TBC1D31: variants seen among roughly 807,000 people sequenced by gnomAD.
TBC1D31 encodes WD repeat domain 67.
A neutral mutation model predicts 132.9 loss-of-function variants in TBC1D31; 99 were observed. That is an observed-to-expected ratio of 0.74 (90% confidence interval 0.63 to 0.88). The LOEUF is 0.88. Ranked by LOEUF, TBC1D31 falls within the 40% of genes least tolerant of loss-of-function variation. The pLI, the probability that TBC1D31 is intolerant of heterozygous loss-of-function variation, is 0.00. For missense variants in TBC1D31, 1,134 were observed against 1,256.6 expected (o/e 0.90, Z 1.48); for synonymous variants, 385 against 419.4 (o/e 0.92, Z 1.00).
At position 123,077,124 on chromosome 8, in the gene TBC1D31, A is replaced by C; in HGVS notation, c.91A>C (p.Ile31Leu). 6.2e-7 allele frequency: 1 copy of C among 1,606,464 alleles called. No individual in the cohort carries two copies. The highest frequency in any genetic ancestry group is 8.5e-7 in the Non-Finnish European group (1 of 1,177,586). ...PATRDGIIVN[I>L]IHNTSDYHPK... is the part of the protein sequence containing the mutation. ...TTTCTTTGACAGAATTATAGTGAACATTATTCACAACACTTCCGATTACCA... is the reference window on the plus strand; with the variant it reads ...TTTCTTTGACAGAATTATAGTGAACCTTATTCACAACACTTCCGATTACCA... Residue 31 changes from isoleucine (I) to leucine (L), a missense_variant, in exon 2 of 22, where the codon ATT becomes CTT. Ile to Leu is a conservative substitution (Grantham distance 5). Coordinates refer to ENST00000287380, the MANE Select transcript of TBC1D31 (RefSeq NM_145647.4).
chr8:123,119,662 A>G (rs1483185817), intron 10 of TBC1D31, among the ~76,000 whole-genome samples: 2 of 152,180 alleles, frequency 1.3e-5, no homozygotes, highest in African/African-American at 4.8e-5. Context: ...GCAGTGAGCC[A>G]TGATTATGCC....
chr8:123,141,953 TG>T (rs1336892502), intron 18 of TBC1D31, among the ~76,000 whole-genome samples: 1 of 138,962 alleles, frequency 7.2e-6, no homozygotes, highest in Non-Finnish European at 1.5e-5. Flanking sequence ...CTCCACCTCC[TG>T]GGTTCAAGCA....
intron 2 of TBC1D31, among the ~76,000 whole-genome samples, chr8:123,079,003 G>A (rs928735336): frequency 6.6e-6 from 1 of 152,082 alleles, no homozygotes; most frequent in Non-Finnish European, 1.5e-5. Flanking sequence ...AAAAGAACAC[G>A]GCATCATTTC....
At chr8:123,080,040 G>A (rs1814972372) in intron 2 of TBC1D31, among the ~76,000 whole-genome samples, 1 of 152,152 alleles carries the variant, frequency 6.6e-6, no homozygotes, top group South Asian at 2.1e-4. Flanking sequence ...ATTCTCAACT[G>A]GACCCTTGTA....
the TBC1D31 span, among the ~76,000 whole-genome samples, chr8:123,162,344 G>A: frequency 1.9e-4 from 29 of 152,060 alleles, no homozygotes; most frequent in African/African-American, 6.5e-4. Context: ...TCTGGGAGGC[G>A]GGCTCCTGGC....
chr8:123,095,551 T>C (rs1338272601), intron 5 of TBC1D31, among the ~76,000 whole-genome samples: 3 of 152,246 alleles, frequency 2.0e-5, no homozygotes, highest in Non-Finnish European at 2.9e-5. Context: ...TGAATCTTTG[T>C]AAACTCATAG....
chr8:123,160,101 T>C, the TBC1D31 span, among the ~76,000 whole-genome samples: 1 of 152,160 alleles, frequency 6.6e-6, no homozygotes, highest in Non-Finnish European at 1.5e-5. Flanking sequence ...GTTTTTCTGC[T>C]CCAGGACCTC....
intron 17 of TBC1D31, among the ~76,000 whole-genome samples, chr8:123,137,867 G>A (rs993025602): frequency 6.6e-6 from 1 of 152,220 alleles, no homozygotes; most frequent in Non-Finnish European, 1.5e-5. Context: ...TCTTTAGAAT[G>A]TGCAGGTTTT....
In TBC1D31 at chr8:123,151,960, G is replaced by A. The variant is rs377382269; in HGVS notation, c.*21G>A. On this transcript the variant is annotated 3_prime_UTR_variant, in exon 22 of 22. Coordinates refer to ENST00000287380, the MANE Select transcript of TBC1D31 (RefSeq NM_145647.4). ...CATAGAATGCATGTCACCTTGAGACGGTCGAGAGAGAGACCTATTTTGCAA... is the reference window on the plus strand; with the variant it reads ...CATAGAATGCATGTCACCTTGAGACAGTCGAGAGAGAGACCTATTTTGCAA... 6 of 1,458,706 alleles carry A rather than the reference G, an allele frequency of 4.1e-6. No individual in the cohort carries two copies. Among genetic ancestry groups the A allele is most frequent in the South Asian group, 3.2e-5 (2 of 63,400 alleles). The allele number at this position is 1,458,706 out of a possible 1,614,324, so 90.4% of individuals were successfully genotyped here.
rs528273766 is a variant in TBC1D31, at chr8:123,150,817, A to T, written c.3067+689A>T. ...ATTTATTTTTAAAAGGGAGGAGGAGAAAAGACACTCTGTTAAACTTACTTT... is the reference window on the plus strand; with the variant it reads ...ATTTATTTTTAAAAGGGAGGAGGAGTAAAGACACTCTGTTAAACTTACTTT... On this transcript the variant is annotated intron_variant, in intron 21 of 21. Transcript: ENST00000287380. Among the ~76,000 whole-genome samples, 12 of 152,380 alleles carry T rather than the reference A, an allele frequency of 7.9e-5. No individual in the cohort carries two copies. In the South Asian group the frequency reaches 2.5e-3, roughly 32 times the overall value.
chr8:123,139,056 C>T (rs1017871334), intron 17 of TBC1D31, among the ~76,000 whole-genome samples: 1 of 151,750 alleles, frequency 6.6e-6, no homozygotes, highest in Non-Finnish European at 1.5e-5. Context: ...AGTCCTCCCA[C>T]CTTGGCCTCC....
intron 17 of TBC1D31, among the ~76,000 whole-genome samples, chr8:123,138,768 G>C (rs930455701): frequency 1.3e-5 from 2 of 152,104 alleles, no homozygotes; most frequent in Non-Finnish European, 2.9e-5. Flanking sequence ...TTTGGAGATA[G>C]TGTGATTAAT....
chr8:123,145,592 A>G (rs1252533340), intron 20 of TBC1D31, among the ~76,000 whole-genome samples: 1 of 152,000 alleles, frequency 6.6e-6, no homozygotes, highest in Non-Finnish European at 1.5e-5. Flanking sequence ...CTGGAGGCTG[A>G]GGCGAGAGGA....
intron 8 of TBC1D31, 72 bp downstream of exon 8, chr8:123,105,536 C>G: frequency 8.2e-7 from 1 of 1,220,438 alleles, no homozygotes; most frequent in South Asian, 1.6e-5. Context: ...TAAGCCATCA[C>G]CACTCTTCTC....
At chr8:123,155,144 G>A (rs968870397), downstream of TBC1D31, among the ~76,000 whole-genome samples, 1 of 152,124 alleles carries the variant, frequency 6.6e-6, no homozygotes, top group East Asian at 1.9e-4. The surrounding 1 kb of genome is among the most constrained non-coding windows in gnomAD (Gnocchi z 4.1). Context: ...TGTGGATGCA[G>A]GTATCCAAAG....
chr8:123,157,318 C>T, the TBC1D31 span, among the ~76,000 whole-genome samples: 8 of 152,130 alleles, frequency 5.3e-5, no homozygotes, highest in African/African-American at 9.7e-5. Context: ...GTAAGGGTTT[C>T]CGGACGGATC....
intron 11 of TBC1D31, among the ~76,000 whole-genome samples, chr8:123,125,049 CAAT>C (rs1187542016): frequency 6.6e-6 from 1 of 151,778 alleles, no homozygotes; most frequent in Non-Finnish European, 1.5e-5. Context: ...TTTAAATAAT[CAAT>C]AATAAGTGAA....
chr8:123,083,833 G>A, intron 3 of TBC1D31: 1 of 196,740 alleles, frequency 5.1e-6, no homozygotes, highest in Non-Finnish European at 1.0e-5. Context: ...TCCTCAAAGT[G>A]CTCTTTCTAA....
Position 123,129,164 on chromosome 8 carries a change from C to T in TBC1D31, c.2216C>T (p.Thr739Ile). The change falls in exon 15 of 22, where the codon ACA becomes ATA. Residue 739 changes from threonine to isoleucine, a missense_variant. By Grantham distance (89) the Thr-to-Ile change is moderately conservative. Coordinates refer to ENST00000287380, the MANE Select transcript of TBC1D31 (RefSeq NM_145647.4). ...KQELLRKAEE[T>I]RREMLLQEEE... Reference sequence around the variant, plus strand: ...GAGCTGCTTCGTAAAGCTGAAGAAACAAGAAGAGAAATGCTCTTACAAGAG... The same window carrying T: ...GAGCTGCTTCGTAAAGCTGAAGAAATAAGAAGAGAAATGCTCTTACAAGAG... 4 of 1,604,270 alleles carry T rather than the reference C, an allele frequency of 2.5e-6. No homozygotes were observed. The highest frequency in any genetic ancestry group is 3.4e-6 in the Non-Finnish European group (4 of 1,173,676).
Sources: gnomAD v4.1 joint callset for allele counts (sites outside exome capture counted in the v4.1 genomes callset) on GRCh38, gnomAD v4.1.1 for gene constraint, Gnocchi (gnomAD v3.1) non-coding constraint, MANE v1.5 for transcripts, NCBI Gene and HGNC (gene_info 2026-07-23, HGNC 2026-07-21) for gene names.